Variants in CFLAR observed in about 807,000 individuals in gnomAD.
CFLAR encodes CASP8 and FADD like apoptosis regulator, also known as CASP8 and FADD-like apoptosis regulator.
Under a neutral mutation model 51.1 loss-of-function variants are expected in CFLAR, and 14 were observed. The ratio of observed to expected loss-of-function variants is 0.27; its 90% CI spans 0.18 to 0.43. CFLAR has a LOEUF of 0.43. Among genes scored for constraint, CFLAR ranks in the 20% least tolerant of loss-of-function variants. The pLI, the probability that CFLAR is intolerant of heterozygous loss-of-function variation, is 1.00. For synonymous variants in CFLAR, 210 were observed against 211.6 expected (o/e 0.99, Z 0.06); for missense variants, 390 against 566.5 (o/e 0.69, Z 3.16).
Position 201,171,584 on chromosome 2 carries a change from C to G in CFLAR, c.*7611C>G, listed in dbSNP as rs1944016366. ...CTAGGTGATAGGTTGATAGGTGCAG[C>G]AAACCACCATGGGACACGTTTACCT... On this transcript the variant is annotated 3_prime_UTR_variant, in exon 10 of 10. Transcript: ENST00000309955. 1 of 151,588 alleles carries G rather than the reference C, an allele frequency of 6.6e-6. No homozygotes were observed. Among genetic ancestry groups the G allele is most frequent in the Non-Finnish European group, 1.5e-5 (1 of 67,988 alleles). The allele number at this position is 151,588 out of a possible 1,614,324, so 9.4% of individuals were successfully genotyped here. A position where few individuals can be genotyped will look rare whatever the true frequency, so the allele number is the denominator to read the frequency against.
At position 201,148,942 on chromosome 2, in the gene CFLAR, T is replaced by C. The variant is rs541000230; in HGVS notation, c.662-61T>C. Reference sequence around the variant, plus strand: ...TTGTTATACAAAGAAACTCAGCCAGTGTAGGGGTGGACTTAGCTCTCCTTC... The same window carrying C: ...TTGTTATACAAAGAAACTCAGCCAGCGTAGGGGTGGACTTAGCTCTCCTTC... On this transcript the variant is annotated intron_variant, in intron 6 of 9. Coordinates refer to ENST00000309955, the MANE Select transcript of CFLAR (RefSeq NM_003879.7). 1.9e-5 allele frequency: 21 copies of C among 1,084,374 alleles called. No individual in the cohort carries two copies. The African/African-American group carries it at 2.9e-4, about 15-fold the overall frequency. 67.2% of individuals were successfully genotyped at this position (1,084,374 alleles called of 1,614,324 possible).
rs890256066 is a variant in CFLAR, at chr2:201,168,916, A to G, written c.*4943A>G. The G allele has an allele frequency of 3.3e-5, 5 of 152,202 alleles. No individual in the cohort carries two copies. Among genetic ancestry groups the G allele is most frequent in the African/African-American group, 4.8e-5 (2 of 41,450 alleles). The allele number at this position is 152,202 out of a possible 1,614,324, so 9.4% of individuals were successfully genotyped here. On this transcript the variant is annotated 3_prime_UTR_variant, in exon 10 of 10. Coordinates refer to ENST00000309955, the MANE Select transcript of CFLAR (RefSeq NM_003879.7). ...TAGGAATACAGCTAATAAGATGTGA[A>G]GGATCTCTTCAAGGAGAACTACAAA...
rs367895265 is a variant in CFLAR, at chr2:201,122,311, A to T, written c.-138+5830A>T. Reference sequence around the variant, plus strand: ...ATCACATTGCAAGTCACTCTAAAGCATTAGCATTGTTATCTCATGTAGCTG... The same window carrying T: ...ATCACATTGCAAGTCACTCTAAAGCTTTAGCATTGTTATCTCATGTAGCTG... On this transcript the variant is annotated intron_variant, in intron 1 of 9. Transcript: ENST00000309955. Among the ~76,000 whole-genome samples, 4 of 152,358 alleles carry T rather than the reference A, an allele frequency of 2.6e-5. No individual in the cohort carries two copies. In the East Asian group the frequency reaches 7.7e-4, roughly 29 times the overall value.
Position 201,152,347 on chromosome 2 carries a change from T to A in CFLAR, c.793+2512T>A, listed in dbSNP as rs184727665. Among the ~76,000 whole-genome samples the A allele has an allele frequency of 4.8e-3, 723 of 152,192 alleles. 4 individuals are homozygous for A. Among genetic ancestry groups the A allele is most frequent in the Admixed American group, 9.7e-3 (148 of 15,270 alleles). ...TTTTTATTTTTCCTGTAGTGCTGAG[T>A]TCTCGGCCTTCTTAAGTCCCAGTTT... is the stretch of plus-strand genomic sequence containing the variant. On this transcript the variant is annotated intron_variant, in intron 8 of 9. Transcript: ENST00000309955.
At chr2:201,136,559 G>A (rs1013021914) in intron 4 of CFLAR, 42 of 1,467,158 alleles carry the variant, frequency 2.9e-5, no homozygotes, top group African/African-American at 7.1e-5. Context: ...GAGCACATTC[G>A]ATTTCTTCCT....
intron 8 of CFLAR, among the ~76,000 whole-genome samples, chr2:201,152,248 G>A (rs1334202257): frequency 2.0e-5 from 3 of 151,858 alleles, no homozygotes; most frequent in Admixed American, 6.6e-5. Context: ...CACCCACCTC[G>A]GCCTCCCAAA....
chr2:201,138,364 G>T lies in CFLAR; in HGVS notation c.524-1993G>T. The T allele has an allele frequency of 1.3e-6, 1 of 769,140 alleles. No homozygotes were observed. Among genetic ancestry groups the T allele is most frequent in the Non-Finnish European group, 2.4e-6 (1 of 416,212 alleles). 47.6% of individuals were successfully genotyped at this position (769,140 alleles called of 1,614,324 possible). On this transcript the variant is annotated intron_variant, in intron 4 of 9. Transcript: ENST00000309955. The surrounding 1 kb of genome is among the most constrained non-coding windows in gnomAD (Gnocchi z 4.0). ...CATGGGAATCCTTGGAGGCCACAGG[G>T]TAGTCTCGGTTCTTCAGCGCGGTGC...
At chr2:201,121,236 G>A (rs1378382222) in intron 1 of CFLAR, among the ~76,000 whole-genome samples, 4 of 152,306 alleles carry the variant, frequency 2.6e-5, no homozygotes, top group African/African-American at 7.2e-5. Flanking sequence ...GTTGTGCTCC[G>A]TGATGTAGCT....
In CFLAR at chr2:201,168,591, A is replaced by G. The variant is rs1179817809; in HGVS notation, c.*4618A>G. On this transcript the variant is annotated 3_prime_UTR_variant, in exon 10 of 10. Coordinates refer to ENST00000309955, the MANE Select transcript of CFLAR (RefSeq NM_003879.7). ...ACAGGGATGCCGTCTCACCACTCCT[A>G]TTTAACATAGTATTGGAAGTTCTGG... is the stretch of plus-strand genomic sequence containing the variant. The G allele has an allele frequency of 6.6e-6, 1 of 152,194 alleles. No homozygotes were observed. The highest frequency in any genetic ancestry group is 2.4e-5 in the African/African-American group (1 of 41,450). The allele number at this position is 152,194 out of a possible 1,614,324, so 9.4% of individuals were successfully genotyped here.
At chr2:201,155,711 C>T (rs563603532) in intron 8 of CFLAR, among the ~76,000 whole-genome samples, 2 of 152,128 alleles carry the variant, frequency 1.3e-5, no homozygotes, top group African/African-American at 4.8e-5. Flanking sequence ...GCAGCCTTCA[C>T]CTCCCGGGCT....
intron 9 of CFLAR, 27 bp downstream of exon 9, chr2:201,160,969 C>G (rs777080242): frequency 6.5e-7 from 1 of 1,549,446 alleles, no homozygotes. Flanking sequence ...TGGTCAGTTC[C>G]GGACCACCTG....
rs1173166412 is a variant in CFLAR, at chr2:201,170,553, T to A, written c.*6580T>A. ...TTGAATTATGGATTTAAAATACATA[T>A]CATTTTCTAACTCCAAAGGTAATAC... On this transcript the variant is annotated 3_prime_UTR_variant, in exon 10 of 10. Transcript: ENST00000309955. The A allele has an allele frequency of 1.3e-5, 2 of 152,238 alleles. No individual in the cohort carries two copies. The highest frequency in any genetic ancestry group is 2.9e-5 in the Non-Finnish European group (2 of 68,032). The allele number at this position is 152,238 out of a possible 1,614,324, so 9.4% of individuals were successfully genotyped here. A position where few individuals can be genotyped will look rare whatever the true frequency, so the allele number is the denominator to read the frequency against.
intron 3 of CFLAR, 24 bp downstream of exon 3, chr2:201,133,158 T>A: frequency 6.3e-7 from 1 of 1,587,054 alleles, no homozygotes; most frequent in Non-Finnish European, 8.6e-7. Flanking sequence ...TTTTGGTTCA[T>A]GGCCCCAGGA....
At position 201,175,408 on chromosome 2, in the gene CFLAR, G is replaced by C. The variant is rs1053588682; in HGVS notation, c.*11435G>C. On this transcript the variant is annotated 3_prime_UTR_variant, in exon 10 of 10. Transcript: ENST00000309955. ...GGAGGCTGAGGATGGTGGATCGCTT[G>C]AGCCAAGGAATTTGAGGCCACCTTG... The C allele has an allele frequency of 2.0e-5, 3 of 152,554 alleles. No homozygotes were observed. The highest frequency in any genetic ancestry group is 7.2e-5 in the African/African-American group (3 of 41,400). The allele number at this position is 152,554 out of a possible 1,614,324, so 9.5% of individuals were successfully genotyped here. A position where few individuals can be genotyped will look rare whatever the true frequency, so the allele number is the denominator to read the frequency against.
intron 2 of CFLAR, among the ~76,000 whole-genome samples, chr2:201,130,648 G>A (rs2125670665): frequency 6.6e-6 from 1 of 152,222 alleles, no homozygotes; most frequent in Admixed American, 6.5e-5. Context: ...TAACAGGCAT[G>A]AGCCATTGCC....
chr2:201,151,069 A>G (rs1941207405), intron 8 of CFLAR: 1 of 152,182 alleles, frequency 6.6e-6, no homozygotes, highest in Non-Finnish European at 1.5e-5. Flanking sequence ...TGGGAACATT[A>G]AAGACATAAT....
In CFLAR at chr2:201,166,198, T is replaced by A; in HGVS notation, c.*2225T>A. 1 of 157,176 alleles carries A rather than the reference T, an allele frequency of 6.4e-6. No individual in the cohort carries two copies. The highest frequency in any genetic ancestry group is 1.6e-4 in the South Asian group (1 of 6,256). The allele number at this position is 157,176 out of a possible 1,614,324, so 9.7% of individuals were successfully genotyped here. On this transcript the variant is annotated 3_prime_UTR_variant, in exon 10 of 10. Transcript: ENST00000309955. The stretch of plus-strand genomic sequence containing the variant: ...CCACCTCCCTCCCGGACGGGATAGC[T>A]GGCCGGGCGGGGGCTGACCCCCCAC...
chr2:201,132,485 A>G (rs942471908), intron 2 of CFLAR, among the ~76,000 whole-genome samples: 7 of 151,314 alleles, frequency 4.6e-5, no homozygotes, highest in Admixed American at 3.9e-4. Context: ...GTGAGTCAGG[A>G]GAGGCTTTCT....
At chr2:201,145,453 TATTC>T (rs759180946) in intron 6 of CFLAR, 21 bp downstream of exon 6, 2 of 1,494,960 alleles carry the variant, frequency 1.3e-6, no homozygotes, top group East Asian at 2.3e-5. Context: ...CTTTTTTTAA[TATTC>T]ATTATTTATA....
Sources: gnomAD v4.1 joint callset for allele counts (sites outside exome capture counted in the v4.1 genomes callset) on GRCh38, gnomAD v4.1.1 for gene constraint, Gnocchi (gnomAD v3.1) non-coding constraint, MANE v1.5 for transcripts, NCBI Gene and HGNC (gene_info 2026-07-23, HGNC 2026-07-21) for gene names.